GSE1: variants seen among roughly 807,000 people sequenced by gnomAD.
The protein encoded by GSE1 is Gse1 coiled-coil protein.
GSE1 carries 32 observed loss-of-function variants against 112.6 expected under a neutral mutation model. That is an observed-to-expected ratio of 0.28 (90% CI 0.21 to 0.38). GSE1 has a LOEUF of 0.38. Among genes scored for constraint, GSE1 ranks in the 10% least tolerant of loss-of-function variants. GSE1 has a pLI of 1.00. For missense variants in GSE1, 2,348 were observed against 1,699.2 expected (o/e 1.38, Z -6.71); for synonymous variants, 1,115 against 735.6 (o/e 1.52, Z -8.35).
chr16:85,586,737 G>A (rs796411584), intron 1 of GSE1, among the ~76,000 whole-genome samples: 25 of 152,232 alleles, frequency 1.6e-4, no homozygotes, highest in African/African-American at 5.1e-4. Context: ...CCACAGCCCC[G>A]GCATGGAGGG....
At chr16:85,477,101 T>A (rs914249611) in intron 2 of GSE1, among the ~76,000 whole-genome samples, 3 of 152,064 alleles carry the variant, frequency 2.0e-5, no homozygotes, top group Non-Finnish European at 4.4e-5. Flanking sequence ...CTAATTTTTG[T>A]ATTTTTAGTA....
intron 1 of GSE1, among the ~76,000 whole-genome samples, chr16:85,333,520 G>A (rs2046419724): frequency 6.6e-6 from 1 of 152,226 alleles, no homozygotes; most frequent in Admixed American, 6.5e-5. Flanking sequence ...GGGCTTGGGG[G>A]GCCTGGGTCA....
At chr16:85,491,679 C>T (rs1030666126) in intron 2 of GSE1, among the ~76,000 whole-genome samples, 7 of 152,010 alleles carry the variant, frequency 4.6e-5, no homozygotes, top group Non-Finnish European at 7.4e-5. Flanking sequence ...GAAAAGTGGC[C>T]GAGCCTGGTC....
chr16:85,617,308 C>T (rs889617185), intron 1 of GSE1, among the ~76,000 whole-genome samples: 3 of 152,202 alleles, frequency 2.0e-5, no homozygotes, highest in African/African-American at 7.2e-5. Flanking sequence ...TAGATGAGGG[C>T]AGGGCTGGTG....
intron 1 of GSE1, among the ~76,000 whole-genome samples, chr16:85,598,678 C>T (rs1157036857): frequency 1.3e-5 from 2 of 152,248 alleles, no homozygotes; most frequent in Non-Finnish European, 2.9e-5. Context: ...GCCACGTGGG[C>T]CTCCCAAGTA....
At chr16:85,624,719 C>G (rs2048956705) in intron 1 of GSE1, among the ~76,000 whole-genome samples, 1 of 152,214 alleles carries the variant, frequency 6.6e-6, no homozygotes, top group East Asian at 1.9e-4. Flanking sequence ...AGTGAGCATC[C>G]CACTGTGTGG....
intron 1 of GSE1, among the ~76,000 whole-genome samples, chr16:85,235,989 C>CCTGGGCCTGGGCCTGGGGCTGAGG (rs71151274): frequency 0.055 from 8,334 of 151,594 alleles, 408 homozygotes; most frequent in African/African-American, 0.13. Context: ...TGGGCCTGGG[C>CCTGGGCCTGGGCCTGGGGCTGAGG]CTGGGCCTGG....
At chr16:85,486,213 T>C (rs2050832121) in intron 2 of GSE1, among the ~76,000 whole-genome samples, 1 of 152,194 alleles carries the variant, frequency 6.6e-6, no homozygotes, top group Non-Finnish European at 1.5e-5. Context: ...CTTCTCTCTG[T>C]ACTCACACAT....
At chr16:85,430,044 C>T (rs1259757507) in intron 2 of GSE1, among the ~76,000 whole-genome samples, 1 of 152,244 alleles carries the variant, frequency 6.6e-6, no homozygotes, top group Non-Finnish European at 1.5e-5. Flanking sequence ...TGTCTCTTCA[C>T]CTCCTAGTCC....
At chr16:85,338,040 CAG>C (rs990632955) in intron 1 of GSE1, among the ~76,000 whole-genome samples, 3 of 152,204 alleles carry the variant, frequency 2.0e-5, no homozygotes, top group Non-Finnish European at 4.4e-5. Context: ...AGAATGAACA[CAG>C]AAGCCACGCC....
At chr16:85,542,918 G>A (rs921173030) in intron 2 of GSE1, among the ~76,000 whole-genome samples, 8 of 152,168 alleles carry the variant, frequency 5.3e-5, no homozygotes, top group South Asian at 2.1e-4. Context: ...TGTTTTTAGC[G>A]TAAATGCCCT....
intron 2 of GSE1, among the ~76,000 whole-genome samples, chr16:85,442,528 A>G (rs989520521): frequency 1.3e-5 from 2 of 152,248 alleles, no homozygotes; most frequent in African/African-American, 4.8e-5. Context: ...TGGGAAGCAC[A>G]GGAGGTAAAC....
intron 1 of GSE1, among the ~76,000 whole-genome samples, chr16:85,284,261 G>A (rs1023738820): frequency 1.3e-5 from 2 of 152,220 alleles, no homozygotes; most frequent in Admixed American, 1.3e-4. Flanking sequence ...AGCATGTGGC[G>A]CGAGGACAAA....
chr16:85,330,351 C>A (rs913996263), intron 1 of GSE1, among the ~76,000 whole-genome samples: 2 of 152,218 alleles, frequency 1.3e-5, no homozygotes, highest in African/African-American at 4.8e-5. Context: ...CCAAGGAACG[C>A]AGGGGCCTGG....
At chr16:85,377,315 G>A (rs1187366674) in intron 2 of GSE1, among the ~76,000 whole-genome samples, 1 of 152,178 alleles carries the variant, frequency 6.6e-6, no homozygotes, top group East Asian at 1.9e-4. Flanking sequence ...AGCCCCCAGT[G>A]GTTCGGGTCT....
In GSE1 at chr16:85,663,352, G is replaced by C. The variant is rs1233644878; in HGVS notation, c.2382G>C (p.Glu794Asp). The change falls in exon 11 of 16, where the codon GAG (glutamate) becomes GAC (aspartate). Residue 794 changes from glutamate to aspartate, a missense_variant. By Grantham distance (45) the Glu-to-Asp change is conservative. Transcript: ENST00000253458. ...TTTCTTTCCCAATCTAGAAGCTAGAGTTTTTGCAACTTTTTGGCTTGACCA... is the reference window on the plus strand; with the variant it reads ...TTTCTTTCCCAATCTAGAAGCTAGACTTTTTGCAACTTTTTGGCTTGACCA... ...LKLDTSSEKLEFLQLFGLTTQ... is the reference protein window; with the variant it reads ...LKLDTSSEKLDFLQLFGLTTQ... 2 of 1,613,772 alleles carry C rather than the reference G, an allele frequency of 1.2e-6. No individual in the cohort carries two copies. Among genetic ancestry groups the C allele is most frequent in the Non-Finnish European group, 8.5e-7 (1 of 1,180,016 alleles).
chr16:85,253,863 T>A (rs1237492511), intron 1 of GSE1, among the ~76,000 whole-genome samples: 1 of 149,954 alleles, frequency 6.7e-6, no homozygotes, highest in Non-Finnish European at 1.5e-5. Context: ...CTGGGTGCTG[T>A]GGGCTCGGAG....
intron 1 of GSE1, among the ~76,000 whole-genome samples, chr16:85,633,439 G>A (rs2151743824): frequency 6.6e-6 from 1 of 152,354 alleles, no homozygotes; most frequent in South Asian, 2.1e-4. Context: ...GGCATCGTGT[G>A]CTTGTCGCGT....
chr16:85,663,518 A>G lies in GSE1; in HGVS notation c.2548A>G (p.Ser850Gly), dbSNP rs1239828431. The G allele has an allele frequency of 1.7e-5, 28 of 1,613,832 alleles. No homozygotes were observed. The highest frequency in any genetic ancestry group is 4.4e-5 in the South Asian group (4 of 91,082). The change falls in exon 11 of 16, where the codon AGC becomes GGC. Residue 850 changes from serine (S) to glycine (G), a missense_variant. Physicochemically the swap from Ser to Gly is moderately conservative, Grantham distance 56. Transcript: ENST00000253458. ...SPRLALSTRY[S>G]PDEMNNSPNF... ...GAGACTGGCGCTGTCTACCCGCTAC[A>G]GCCCTGATGAGATGAACAACAGTCC... is the stretch of plus-strand genomic sequence containing the variant.
Sources: gnomAD v4.1 joint callset for allele counts (sites outside exome capture counted in the v4.1 genomes callset) on GRCh38, gnomAD v4.1.1 for gene constraint, MANE v1.5 for transcripts, NCBI Gene and HGNC (gene_info 2026-07-23, HGNC 2026-07-21) for gene names.